PCDHGA7: variants seen among roughly 807,000 people sequenced by gnomAD.
PCDHGA7 encodes the protein protocadherin gamma subfamily A, 7, also known as protocadherin gamma-A7.
A neutral mutation model predicts 58.3 loss-of-function variants in PCDHGA7; 44 were observed. That is an observed-to-expected ratio of 0.75 (90% CI 0.59 to 0.97). The LOEUF (loss-of-function observed/expected upper bound fraction) is 0.97. Among genes scored for constraint, PCDHGA7 ranks in the 50% least tolerant of loss-of-function variants. The pLI, the probability that PCDHGA7 is intolerant of heterozygous loss-of-function variation, is 0.00. For synonymous variants in PCDHGA7, 516 were observed against 504.2 expected (o/e 1.02, Z -0.31); for missense variants, 1,266 against 1,188.7 (o/e 1.06, Z -0.96).
In PCDHGA7 at chr5:141,493,356, C is replaced by G. The variant is rs1303319550; in HGVS notation, c.2425-1451C>G. On this transcript the variant is annotated intron_variant, in intron 1 of 3. Transcript: ENST00000518325. The surrounding 1 kb of genome is among the most constrained non-coding windows in gnomAD (Gnocchi z 4.3). ...ACTCCAGAATGTGTGCTTTTAATTT[C>G]TTGGCACTTGGAACTTTAAAAGCTT... Among the ~76,000 whole-genome samples the G allele has an allele frequency of 6.6e-6, 1 of 152,182 alleles. No individual in the cohort carries two copies. The highest frequency in any genetic ancestry group is 1.5e-5 in the Non-Finnish European group (1 of 68,032).
chr5:141,436,659 G>A (rs771567212), intron 1 of PCDHGA7, among the ~76,000 whole-genome samples: 3 of 152,136 alleles, frequency 2.0e-5, no homozygotes, highest in Non-Finnish European at 2.9e-5. Flanking sequence ...GCCATTTTTA[G>A]TGGTTGACCA....
At chr5:141,409,973 G>A in intron 1 of PCDHGA7, 1 of 1,613,380 alleles carries the variant, frequency 6.2e-7, no homozygotes, top group Non-Finnish European at 8.5e-7. Context: ...AGTGACTAAG[G>A]TGGTAGCGGT....
At position 141,389,758 on chromosome 5, in the gene PCDHGA7, G is replaced by T. The variant is rs201153580; in HGVS notation, c.2424+4435G>T. On this transcript the variant is annotated intron_variant, in intron 1 of 3. Transcript: ENST00000518325. Reference sequence around the variant, plus strand: ...CTGGGGCTGCGCACGGGCGAAGTGCGCACAGCGCGTGCCTTAGGCGACAGG... The same window carrying T: ...CTGGGGCTGCGCACGGGCGAAGTGCTCACAGCGCGTGCCTTAGGCGACAGG... The T allele has an allele frequency of 1.4e-4, 224 of 1,612,792 alleles. No homozygotes were observed. The African/African-American group carries it at 2.7e-3, about 19-fold the overall frequency.
intron 1 of PCDHGA7, among the ~76,000 whole-genome samples, chr5:141,457,836 C>T (rs1418402508): frequency 6.6e-6 from 1 of 152,202 alleles, no homozygotes; most frequent in African/African-American, 2.4e-5. Context: ...GCTTCCAGAC[C>T]TGTTAGAAAG....
chr5:141,478,204 T>C (rs775367944), intron 1 of PCDHGA7: 7 of 1,613,950 alleles, frequency 4.3e-6, no homozygotes, highest in Middle Eastern at 1.6e-4. Context: ...ATCTACTTCT[T>C]TCTCTAATCC....
At chr5:141,484,644 A>G (rs1165542601) in intron 1 of PCDHGA7, among the ~76,000 whole-genome samples, 1 of 151,748 alleles carries the variant, frequency 6.6e-6, no homozygotes, top group African/African-American at 2.4e-5. Flanking sequence ...CCACTCTCCA[A>G]TGGCTACTCT....
chr5:141,405,459 A>G (rs553327050), intron 1 of PCDHGA7: 1 of 1,229,452 alleles, frequency 8.1e-7, no homozygotes, highest in African/African-American at 1.5e-5. Context: ...TTACTCTGTT[A>G]CCCAGGCTGG....
chr5:141,441,884 C>A (rs2098281796), intron 1 of PCDHGA7: 10 of 343,702 alleles, frequency 2.9e-5, no homozygotes, highest in South Asian at 2.6e-4. Context: ...TACCTGGTCA[C>A]CAAGGTGGTG....
rs934674909 is a variant in PCDHGA7, at chr5:141,511,083, A to C, written c.2709A>C (p.Thr903=). Residue 903 remains threonine, a synonymous_variant, in exon 4 of 4, where the codon ACA becomes ACC. Transcript: ENST00000518325. The part of the protein sequence containing the change: ...QNVYIPGSNA[T]LTNAAGKRDG... Reference sequence around the variant, plus strand: ...TCTACATCCCAGGCAGCAATGCCACACTGACCAACGCAGCTGGCAAGCGGG... The same window carrying C: ...TCTACATCCCAGGCAGCAATGCCACCCTGACCAACGCAGCTGGCAAGCGGG... 1.2e-6 allele frequency: 2 copies of C among 1,614,108 alleles called. No homozygotes were observed. Among genetic ancestry groups the C allele is most frequent in the African/African-American group, 2.7e-5 (2 of 74,940 alleles).
chr5:141,442,774 AT>A (rs2098342677), intron 1 of PCDHGA7, among the ~76,000 whole-genome samples: 1 of 152,188 alleles, frequency 6.6e-6, no homozygotes, highest in Non-Finnish European at 1.5e-5. Flanking sequence ...TATGTGTTTG[AT>A]TATATTTTAT....
intron 1 of PCDHGA7, chr5:141,398,251 C>G (rs753114593): frequency 6.8e-7 from 1 of 1,464,006 alleles, no homozygotes; most frequent in East Asian, 2.5e-5. Flanking sequence ...CGAGGAAATG[C>G]CCAAGGGCTC....
chr5:141,478,783 T>G (rs1435790850), intron 1 of PCDHGA7: 2 of 1,483,968 alleles, frequency 1.3e-6, no homozygotes, highest in Admixed American at 4.6e-5. Flanking sequence ...TGGACCTAAT[T>G]CACATCCTCA....
At chr5:141,503,387 G>A (rs975079596) in intron 2 of PCDHGA7, among the ~76,000 whole-genome samples, 24 of 152,068 alleles carry the variant, frequency 1.6e-4, no homozygotes, top group Middle Eastern at 3.4e-3. Flanking sequence ...ATGAGGTCAG[G>A]AGTTCGAAAC....
chr5:141,400,311 T>A, intron 1 of PCDHGA7: 1 of 1,614,098 alleles, frequency 6.2e-7, no homozygotes, highest in Non-Finnish European at 8.5e-7. Flanking sequence ...CTGGTCTCTG[T>A]GTCAAGTCTG....
At position 141,389,943 on chromosome 5, in the gene PCDHGA7, CAGTTTT is replaced by C. The variant is rs777429461; in HGVS notation, c.2424+4622_2424+4627del. The C allele has an allele frequency of 2.5e-6, 4 of 1,613,956 alleles. No homozygotes were observed. In the African/African-American group the frequency reaches 5.3e-5, roughly 22 times the overall value. On this transcript the variant is annotated intron_variant, in intron 1 of 3. Transcript: ENST00000518325. The stretch of plus-strand genomic sequence containing the variant: ...CCCCTCTGACCTCCAGGCTGAGCTG[CAGTTTT>C]ACCTAGTGGTGGCCTTGGCCTTGAT...
chr5:141,397,648 C>T (rs1045102412), intron 1 of PCDHGA7, among the ~76,000 whole-genome samples: 5 of 152,148 alleles, frequency 3.3e-5, no homozygotes, highest in African/African-American at 1.2e-4. Context: ...GGTATGTTTG[C>T]AGAATGGTGA....
intron 1 of PCDHGA7, among the ~76,000 whole-genome samples, chr5:141,397,821 T>C (rs1225096146): frequency 2.0e-5 from 3 of 152,238 alleles, no homozygotes; most frequent in African/African-American, 7.2e-5. Context: ...AAACAATTAC[T>C]GCACTGGTTA....
In PCDHGA7 at chr5:141,490,537, T is replaced by C; in HGVS notation, c.2425-4270T>C. On this transcript the variant is annotated intron_variant, in intron 1 of 3. Transcript: ENST00000518325. This position sits in a 1 kb window ranked among gnomAD's most constrained non-coding sequence, Gnocchi z 5.4. ...GCTGGCCAGCGATGCTGGTTCACCT[T>C]CCCTACACAAACATCTCACCATCAG... is the stretch of plus-strand genomic sequence containing the variant. 1.9e-6 allele frequency: 3 copies of C among 1,614,180 alleles called. No homozygotes were observed. The highest frequency in any genetic ancestry group is 8.5e-7 in the Non-Finnish European group (1 of 1,180,028).
intron 1 of PCDHGA7, among the ~76,000 whole-genome samples, chr5:141,424,964 A>G (rs62378457): frequency 0.11 from 16,148 of 152,126 alleles, 960 homozygotes; most frequent in African/African-American, 0.17. Flanking sequence ...ATTTGCCCCA[A>G]ATTACTTGGA....
Sources: allele counts gnomAD v4.1 joint callset (sites outside exome capture counted in the v4.1 genomes callset), GRCh38; gene constraint gnomAD v4.1.1; non-coding constraint Gnocchi (gnomAD v3.1); transcripts MANE v1.5; gene names NCBI Gene and HGNC (gene_info 2026-07-23, HGNC 2026-07-21).